LRP1B: variants seen among roughly 807,000 people sequenced by gnomAD.
LRP1B encodes LDL receptor related protein 1B.
Under a neutral mutation model 556.6 loss-of-function variants are expected in LRP1B, and 217 were observed. That is an observed-to-expected ratio of 0.39 (90% CI 0.35 to 0.44). LRP1B has a LOEUF of 0.44. Among genes scored for constraint, LRP1B ranks in the 20% least tolerant of loss-of-function variants. The pLI is 1.00. For synonymous variants in LRP1B, 2,047 were observed against 1,865.8 expected (o/e 1.10, Z -2.50); for missense variants, 5,053 against 5,620.8 (o/e 0.90, Z 3.23).
chr2:140,337,739 T>A (rs1681169749), intron 77 of LRP1B, among the ~76,000 whole-genome samples: 1 of 151,916 alleles, frequency 6.6e-6, no homozygotes, highest in South Asian at 2.1e-4. Context: ...GTTTGTGAGA[T>A]GTAAATGTTT....
chr2:140,385,237 CCT>C (rs1683706873), intron 67 of LRP1B, among the ~76,000 whole-genome samples: 1 of 151,928 alleles, frequency 6.6e-6, no homozygotes, highest in Non-Finnish European at 1.5e-5. Context: ...AGGGTGAGAC[CCT>C]CTCTCAAAAA....
intron 8 of LRP1B, 27 bp from the exon 9 acceptor site, chr2:141,059,081 G>C (rs1049046191): frequency 7.4e-7 from 1 of 1,354,974 alleles, no homozygotes; most frequent in African/African-American, 1.5e-5. Flanking sequence ...ACATAACTAT[G>C]ATTTTTAATT....
chr2:140,701,099 A>C (rs1686622640), intron 40 of LRP1B, among the ~76,000 whole-genome samples: 1 of 84,744 alleles, frequency 1.2e-5, no homozygotes, highest in Admixed American at 1.2e-4. Flanking sequence ...AGTGAAGATA[A>C]AAAATGCACT....
At chr2:141,837,141 G>A (rs1406346392) in intron 1 of LRP1B, among the ~76,000 whole-genome samples, 1 of 151,876 alleles carries the variant, frequency 6.6e-6, no homozygotes, top group Admixed American at 6.6e-5. Flanking sequence ...ATTAGAATGA[G>A]TAGAACATTT....
chr2:140,611,863 G>A (rs555319896), intron 41 of LRP1B, among the ~76,000 whole-genome samples: 1 of 152,118 alleles, frequency 6.6e-6, no homozygotes, highest in Non-Finnish European at 1.5e-5. Context: ...TGTATGGAAA[G>A]ACCATTTGGC....
intron 6 of LRP1B, among the ~76,000 whole-genome samples, chr2:141,212,392 C>T (rs904759593): frequency 1.3e-5 from 2 of 149,752 alleles, no homozygotes; most frequent in Non-Finnish European, 3.0e-5. Context: ...CATTCTCCTG[C>T]CTCAGCCTCC....
intron 29 of LRP1B, among the ~76,000 whole-genome samples, chr2:140,847,523 C>A (rs1463728318): frequency 1.3e-5 from 2 of 152,056 alleles, no homozygotes; most frequent in Non-Finnish European, 2.9e-5. Context: ...AATCCCAGCA[C>A]TTTGGGAGAC....
chr2:141,083,104 A>C (rs1699965619), intron 7 of LRP1B, among the ~76,000 whole-genome samples: 1 of 152,262 alleles, frequency 6.6e-6, no homozygotes, highest in South Asian at 2.1e-4. Flanking sequence ...GAAAGGTGGA[A>C]GAATATTCTT....
At chr2:140,557,465 C>T (rs142000069) in intron 43 of LRP1B, among the ~76,000 whole-genome samples, 4 of 152,186 alleles carry the variant, frequency 2.6e-5, no homozygotes, top group East Asian at 1.9e-4. Flanking sequence ...GGCATCTTTC[C>T]TATATCCAGA....
Position 140,525,561 on chromosome 2 carries a change from T to C in LRP1B, c.8026+283A>G, listed in dbSNP as rs146085983. On this transcript the variant is annotated intron_variant, in intron 49 of 90. Coordinates refer to ENST00000389484, the MANE Select transcript of LRP1B (RefSeq NM_018557.3). ...AATAATTCTGTTGAAGGATTATAAATTACAAACTTGAAAGACTTAATCACC... is the reference window on the plus strand; with the variant it reads ...AATAATTCTGTTGAAGGATTATAAACTACAAACTTGAAAGACTTAATCACC... Among the ~76,000 whole-genome samples the C allele has an allele frequency of 3.5e-3, 532 of 152,024 alleles. 35 individuals are homozygous for C. The East Asian group carries it at 0.095, about 27-fold the overall frequency.
chr2:140,803,539 C>CCACT (rs1690599728), intron 32 of LRP1B, among the ~76,000 whole-genome samples: 1 of 151,858 alleles, frequency 6.6e-6, no homozygotes, highest in African/African-American at 2.4e-5. Flanking sequence ...ATCTCGTGAT[C>CCACT]CACTCGCCTT....
chr2:140,834,316 T>G (rs1400385774), intron 31 of LRP1B, among the ~76,000 whole-genome samples: 1 of 152,188 alleles, frequency 6.6e-6, no homozygotes, highest in East Asian at 1.9e-4. Flanking sequence ...CTCGGCTCAT[T>G]GCAACCTCTG....
chr2:140,485,671 C>T, intron 58 of LRP1B, 147 bp from the exon 59 acceptor site: 1 of 556,378 alleles, frequency 1.8e-6, no homozygotes, highest in Non-Finnish European at 3.1e-6. Flanking sequence ...GACCGCAATA[C>T]AATTACTTAC....
At chr2:141,740,642 A>G (rs1412953410) in intron 2 of LRP1B, among the ~76,000 whole-genome samples, 2 of 152,184 alleles carry the variant, frequency 1.3e-5, no homozygotes, top group Admixed American at 1.3e-4. Flanking sequence ...ATTATTTTTT[A>G]CTATAGTCGC....
At chr2:142,053,571 T>C (rs1402481221) in intron 1 of LRP1B, among the ~76,000 whole-genome samples, 1 of 152,160 alleles carries the variant, frequency 6.6e-6, no homozygotes, top group African/African-American at 2.4e-5. Flanking sequence ...CAACATTTAC[T>C]TCACCAGTTC....
intron 7 of LRP1B, among the ~76,000 whole-genome samples, chr2:141,149,964 T>C (rs1342626408): frequency 6.6e-6 from 1 of 152,158 alleles, no homozygotes; most frequent in Non-Finnish European, 1.5e-5. Context: ...CTCTCACAAA[T>C]CTATTTAGAG....
intron 68 of LRP1B, among the ~76,000 whole-genome samples, chr2:140,373,988 T>A (rs1053065007): frequency 2.0e-5 from 3 of 152,180 alleles, no homozygotes; most frequent in Admixed American, 2.0e-4. Flanking sequence ...AGTTTAGTTG[T>A]TGCAGTTCTC....
At chr2:140,996,522 G>A (rs568017695) in intron 15 of LRP1B, among the ~76,000 whole-genome samples, 1 of 152,094 alleles carries the variant, frequency 6.6e-6, no homozygotes, top group East Asian at 1.9e-4. Flanking sequence ...CTTCTTGAAT[G>A]TAGAAAGAAT....
At chr2:142,127,367 A>AATCCATCCATCCATCCATCC (rs71391674) in intron 1 of LRP1B, among the ~76,000 whole-genome samples, 1 of 150,022 alleles carries the variant, frequency 6.7e-6, no homozygotes, top group Non-Finnish European at 1.5e-5. Flanking sequence ...TGTATGGCAG[A>AATCCATCCATCCATCCATCC]ATCCATCCAT....
Sources: gnomAD v4.1 joint callset for allele counts (sites outside exome capture counted in the v4.1 genomes callset) on GRCh38, gnomAD v4.1.1 for gene constraint, MANE v1.5 for transcripts, NCBI Gene and HGNC (gene_info 2026-07-23, HGNC 2026-07-21) for gene names.